The following MRC2 variants were observed in gnomAD, a reference collection of about 807,000 sequenced individuals.
MRC2 encodes the protein mannose receptor C-type 2.
A neutral mutation model predicts 206.2 loss-of-function variants in MRC2; 84 were observed. The ratio of observed to expected loss-of-function variants is 0.41; its 90% CI spans 0.34 to 0.49. The LOEUF is 0.49. MRC2 is among the 20% of genes least tolerant of loss of function. The pLI is 0.31. For synonymous variants in MRC2, 798 were observed against 800.0 expected (o/e 1.00, Z 0.04); for missense variants, 1,676 against 2,001.5 (o/e 0.84, Z 3.10).
chr17:62,632,888 G>A (rs189747209), intron 1 of MRC2, among the ~76,000 whole-genome samples: 2 of 152,282 alleles, frequency 1.3e-5, no homozygotes, highest in East Asian at 1.9e-4. Flanking sequence ...AGCCGGGTGC[G>A]AGGCTGAGCA....
intron 1 of MRC2, among the ~76,000 whole-genome samples, chr17:62,643,878 A>G (rs944573696): frequency 4.6e-5 from 7 of 152,214 alleles, no homozygotes; most frequent in African/African-American, 1.4e-4. Context: ...AAGGACACAG[A>G]AAAATCCCTT....
chr17:62,675,852 G>A lies in MRC2; in HGVS notation c.1632G>A (p.Glu544=). ...WLGEDQVTYS[E]ARRLCTDHGS... Reference sequence around the variant, plus strand: ...GAGAAGACCAAGTGACCTACAGTGAGGCCCGGCGCCTGTGCACTGACCATG... The same window carrying A: ...GAGAAGACCAAGTGACCTACAGTGAAGCCCGGCGCCTGTGCACTGACCATG... Residue 544 remains glutamate, a synonymous_variant, in exon 10 of 30, where the codon GAG becomes GAA. Transcript: ENST00000303375. This position sits in a 1 kb window ranked among gnomAD's most constrained non-coding sequence, Gnocchi z 4.1. 1 of 1,614,146 alleles carries A rather than the reference G, an allele frequency of 6.2e-7. No individual in the cohort carries two copies. Among genetic ancestry groups the A allele is most frequent in the Non-Finnish European group, 8.5e-7 (1 of 1,180,016 alleles).
Position 62,681,168 on chromosome 17 carries a change from GGCTGTCCACACACGGAGCAC to G in MRC2, c.2702+40_2702+59del, listed in dbSNP as rs756765270. ...CAGGCAGCAGATGTGGAAGGGGGCT[GGCTGTCCACACACGGAGCAC>G]AGAGGCAGACTTGCATTTGAATCCA... On this transcript the variant is annotated intron_variant, in intron 18 of 29. Transcript: ENST00000303375. The G allele has an allele frequency of 8.5e-5, 136 of 1,604,676 alleles. 1 individual carries two copies. In the Middle Eastern group the frequency reaches 9.9e-4, roughly 12 times the overall value.
intron 1 of MRC2, among the ~76,000 whole-genome samples, chr17:62,638,609 G>A (rs1054044103): frequency 1.3e-5 from 2 of 151,996 alleles, no homozygotes; most frequent in African/African-American, 4.8e-5. Flanking sequence ...GTGGCGACGT[G>A]TGCCTGTAAT....
At chr17:62,633,840 CAAAAAAAAAAAAAAAAAAAAAAAAAA>C (rs571793821) in intron 1 of MRC2, among the ~76,000 whole-genome samples, 36 of 33,916 alleles carry the variant, frequency 1.1e-3, no homozygotes, top group South Asian at 6.0e-3. Flanking sequence ...GACCCTGTCT[CAAAAAAAAAAAAAAAAAAAAAAAAAA>C]AAAAAAAAAA....
intron 1 of MRC2, among the ~76,000 whole-genome samples, chr17:62,653,091 T>G (rs927181607): frequency 1.3e-5 from 2 of 151,622 alleles, no homozygotes; most frequent in South Asian, 4.2e-4. Context: ...GAAGAGCCAG[T>G]GGGAGGAAAG....
chr17:62,657,455 C>A lies in MRC2; in HGVS notation c.119-7093C>A, dbSNP rs8068977. 5.8e-3 allele frequency among the ~76,000 whole-genome samples: 890 copies of A among 152,314 alleles called. 11 individuals carry two copies. The highest frequency in any genetic ancestry group is 0.02 in the African/African-American group (842 of 41,568). ...TTTACTCAGTAAGAACATATTGAGCCACAGCTTGATGCGTAGCACTGTGCT... is the reference window on the plus strand; with the variant it reads ...TTTACTCAGTAAGAACATATTGAGCAACAGCTTGATGCGTAGCACTGTGCT... On this transcript the variant is annotated intron_variant, in intron 1 of 29. Coordinates refer to ENST00000303375, the MANE Select transcript of MRC2 (RefSeq NM_006039.5).
chr17:62,653,560 G>A (rs1349605985), intron 1 of MRC2, among the ~76,000 whole-genome samples: 2 of 152,186 alleles, frequency 1.3e-5, no homozygotes, highest in Non-Finnish European at 2.9e-5. Flanking sequence ...ACAGAGATTT[G>A]AAGTGGGGAG....
Position 62,682,372 on chromosome 17 carries a change from A to C in MRC2, c.2941A>C (p.Asn981His), listed in dbSNP as rs371331099. The change falls in exon 20 of 30, where the codon AAC (asparagine) becomes CAC (histidine). Residue 981 changes from asparagine to histidine, a missense_variant. Physicochemically the swap from Asn to His is moderately conservative, Grantham distance 68. Transcript: ENST00000303375. ...GCPSDWIQFL[N>H]KCFQVQGQEP... ...CCCCTCTGACTGGATCCAGTTCCTC[A>C]ACAAGGTAGGAGGTGGCAATGGGGC... 3 of 1,605,992 alleles carry C rather than the reference A, an allele frequency of 1.9e-6. No homozygotes were observed. Among genetic ancestry groups the C allele is most frequent in the East Asian group, 2.2e-5 (1 of 44,752 alleles).
intron 13 of MRC2, among the ~76,000 whole-genome samples, chr17:62,678,873 T>C (rs983440125): frequency 6.6e-6 from 1 of 152,110 alleles, no homozygotes; most frequent in African/African-American, 2.4e-5. Context: ...CATGCACTCA[T>C]AGGAGACTGT....
chr17:62,649,853 T>C (rs1238321485), intron 1 of MRC2, among the ~76,000 whole-genome samples: 1 of 151,810 alleles, frequency 6.6e-6, no homozygotes, highest in Non-Finnish European at 1.5e-5. Context: ...TTTTGTTTTA[T>C]TTTGAAATAG....
At position 62,688,876 on chromosome 17, in the gene MRC2, A is replaced by G; in HGVS notation, c.3250A>G (p.Ser1084Gly). Residue 1084 changes from serine (S) to glycine (G), a missense_variant, in exon 23 of 30, where the codon AGC becomes GGC. By Grantham distance (56) the Ser-to-Gly change is moderately conservative (BLOSUM62 0). This residue lies in a region of MRC2 where 1,354 missense variants were observed against 1,636.6 expected (regional missense o/e 0.83). Transcript: ENST00000303375. ...KPTSCAVVLHSPSAHFTGRWD... is the reference protein window; with the variant it reads ...KPTSCAVVLHGPSAHFTGRWD... ...GACCAGCTGTGCAGTGGTCCTGCAC[A>G]GCCCCTCAGCCCACTTCACTGGCCG... 1 of 1,612,852 alleles carries G rather than the reference A, an allele frequency of 6.2e-7. No homozygotes were observed. Among genetic ancestry groups the G allele is most frequent in the Non-Finnish European group, 8.5e-7 (1 of 1,179,862 alleles).
At chr17:62,630,210 G>C (rs1367076617) in intron 1 of MRC2, among the ~76,000 whole-genome samples, 3 of 152,210 alleles carry the variant, frequency 2.0e-5, no homozygotes, top group Non-Finnish European at 4.4e-5. Flanking sequence ...TGCGTAGGGG[G>C]CAGAATGCCA....
Position 62,650,898 on chromosome 17 carries a change from A to G in MRC2, c.119-13650A>G, listed in dbSNP as rs144025797. ...TGATATGATTTGCCTAGAGAAGCAA[A>G]TACTGGCACAGTGCTGTTTAGGACT... is the stretch of plus-strand genomic sequence containing the variant. On this transcript the variant is annotated intron_variant, in intron 1 of 29. Coordinates refer to ENST00000303375, the MANE Select transcript of MRC2 (RefSeq NM_006039.5). Among the ~76,000 whole-genome samples, 179 of 152,254 alleles carry G rather than the reference A, an allele frequency of 1.2e-3. 2 individuals carry two copies. The South Asian group carries it at 0.029, about 25-fold the overall frequency.
At position 62,667,034 on chromosome 17, in the gene MRC2, G is replaced by T. The variant is rs1365452496; in HGVS notation, c.973+164G>T. 6.6e-6 allele frequency among the ~76,000 whole-genome samples: 1 copy of T among 152,080 alleles called. No individual in the cohort carries two copies. Among genetic ancestry groups the T allele is most frequent in the Non-Finnish European group, 1.5e-5 (1 of 67,988 alleles). ...ACTGCGCCCCCCTAGCCCATGTAGGGCGGCGCTGCCCCAGGCCGAAGGTCT... is the reference window on the plus strand; with the variant it reads ...ACTGCGCCCCCCTAGCCCATGTAGGTCGGCGCTGCCCCAGGCCGAAGGTCT... On this transcript the variant is annotated intron_variant, in intron 5 of 29. Transcript: ENST00000303375. The surrounding 1 kb of genome is among the most constrained non-coding windows in gnomAD (Gnocchi z 4.1).
chr17:62,636,934 C>A (rs552226064), intron 1 of MRC2, among the ~76,000 whole-genome samples: 2 of 151,924 alleles, frequency 1.3e-5, no homozygotes, highest in Admixed American at 1.3e-4. Flanking sequence ...AACTCTCTTC[C>A]CCCGGCCTTT....
chr17:62,691,630 G>A (rs2089112692), intron 28 of MRC2, among the ~76,000 whole-genome samples: 1 of 152,088 alleles, frequency 6.6e-6, no homozygotes, highest in Admixed American at 6.5e-5. Context: ...AATTAGCTGG[G>A]CGTGGTAGCA....
intron 18 of MRC2, chr17:62,681,349 C>T (rs1412020643): frequency 6.7e-6 from 4 of 600,892 alleles, no homozygotes; most frequent in Non-Finnish European, 1.2e-5. Context: ...ATAACATATG[C>T]GAAGTGCTTA....
Position 62,675,772 on chromosome 17 carries a change from T to G in MRC2, c.1570-18T>G, listed in dbSNP as rs1208993281. The G allele has an allele frequency of 6.3e-7, 1 of 1,597,682 alleles. No homozygotes were observed. The highest frequency in any genetic ancestry group is 1.1e-5 in the South Asian group (1 of 90,752). On this transcript the variant is annotated intron_variant, in intron 9 of 29. Coordinates refer to ENST00000303375, the MANE Select transcript of MRC2 (RefSeq NM_006039.5). This position sits in a 1 kb window ranked among gnomAD's most constrained non-coding sequence, Gnocchi z 4.1. ...ATCTTCCCTACAGACACCCCTCTTCTGTCCACTCTTGAGCCAGGGTTGGAC... is the reference window on the plus strand; with the variant it reads ...ATCTTCCCTACAGACACCCCTCTTCGGTCCACTCTTGAGCCAGGGTTGGAC...
Sources: allele counts gnomAD v4.1 joint callset (sites outside exome capture counted in the v4.1 genomes callset), GRCh38; gene constraint gnomAD v4.1.1; regional missense constraint gnomAD v4.1.1; non-coding constraint Gnocchi (gnomAD v3.1); transcripts MANE v1.5; gene names NCBI Gene and HGNC (gene_info 2026-07-23, HGNC 2026-07-21).